AGBL4: variants seen among roughly 807,000 people sequenced by gnomAD.
The protein encoded by AGBL4 is cytosolic carboxypeptidase 6.
Under a neutral mutation model 66.4 loss-of-function variants are expected in AGBL4, and 58 were observed. That is an observed-to-expected ratio of 0.87 (90% CI 0.71 to 1.09). AGBL4 has a LOEUF of 1.09. AGBL4 is among the 50% of genes least tolerant of loss of function. The probability of loss-of-function intolerance (pLI) is 0.00; values close to 1 mark genes in which losing one functional copy is unlikely to be tolerated. For missense variants in AGBL4, 579 were observed against 631.0 expected (o/e 0.92, Z 0.88); for synonymous variants, 234 against 222.9 (o/e 1.05, Z -0.44).
At chr1:49,426,646 C>A (rs982687290) in intron 3 of AGBL4, among the ~76,000 whole-genome samples, 6 of 152,164 alleles carry the variant, frequency 3.9e-5, no homozygotes, top group African/African-American at 1.4e-4. Context: ...TGCCCCAGTG[C>A]AAAGTAATTT....
chr1:49,047,468 G>A (rs1644107805), intron 4 of AGBL4, among the ~76,000 whole-genome samples: 1 of 152,048 alleles, frequency 6.6e-6, no homozygotes, highest in Non-Finnish European at 1.5e-5. Context: ...ATAAATAACA[G>A]TCTTCTTATA....
chr1:48,796,619 G>A (rs1645680819), intron 6 of AGBL4, among the ~76,000 whole-genome samples: 1 of 152,272 alleles, frequency 6.6e-6, no homozygotes, highest in African/African-American at 2.4e-5. Flanking sequence ...AAGAATCCTT[G>A]AGTACCCACG....
intron 4 of AGBL4, among the ~76,000 whole-genome samples, chr1:49,101,347 C>T (rs942374434): frequency 6.6e-6 from 1 of 152,014 alleles, no homozygotes; most frequent in African/African-American, 2.4e-5. Context: ...GCAGCATCCC[C>T]AGCTAATTTT....
intron 8 of AGBL4, among the ~76,000 whole-genome samples, chr1:48,651,412 C>A (rs934128979): frequency 6.6e-5 from 10 of 152,190 alleles, no homozygotes; most frequent in African/African-American, 2.4e-4. Flanking sequence ...CCCGAGACAG[C>A]AGATGATGAC....
At chr1:49,671,449 A>C (rs1646474574) in intron 3 of AGBL4, among the ~76,000 whole-genome samples, 1 of 152,210 alleles carries the variant, frequency 6.6e-6, no homozygotes, top group African/African-American at 2.4e-5. Context: ...CAAAGACATC[A>C]AAAGCGATAA....
intron 2 of AGBL4, among the ~76,000 whole-genome samples, chr1:49,789,226 T>G (rs1644533922): frequency 6.6e-6 from 1 of 152,244 alleles, no homozygotes; most frequent in South Asian, 2.1e-4. Context: ...TTTAATGTGC[T>G]GCTGGATTCG....
intron 3 of AGBL4, among the ~76,000 whole-genome samples, chr1:49,326,373 C>G (rs1645228644): frequency 6.6e-6 from 1 of 152,078 alleles, no homozygotes; most frequent in African/African-American, 2.4e-5. Context: ...GGTCTTTTAT[C>G]CAGGGCTATG....
chr1:48,567,268 A>G (rs1644492391), intron 11 of AGBL4, among the ~76,000 whole-genome samples: 1 of 152,232 alleles, frequency 6.6e-6, no homozygotes, highest in Admixed American at 6.5e-5. Context: ...ATCAAGGTCC[A>G]TCACCTCCAG....
At chr1:49,722,519 A>G (rs1648685500) in intron 2 of AGBL4, among the ~76,000 whole-genome samples, 2 of 152,336 alleles carry the variant, frequency 1.3e-5, no homozygotes, top group South Asian at 4.1e-4. Flanking sequence ...CATTAAATGC[A>G]TGATGAATAA....
chr1:49,788,896 G>C (rs959733116), intron 2 of AGBL4, among the ~76,000 whole-genome samples: 2 of 152,198 alleles, frequency 1.3e-5, no homozygotes, highest in Admixed American at 6.5e-5. Context: ...AGAGTGGTGA[G>C]AGAGGGCATC....
At chr1:49,845,687 C>G (rs1646122720) in intron 2 of AGBL4, 1 of 1,601,930 alleles carries the variant, frequency 6.2e-7, no homozygotes, top group Admixed American at 1.7e-5. Context: ...TCTGGGAAAG[C>G]CTTCAGCCAG....
intron 2 of AGBL4, among the ~76,000 whole-genome samples, chr1:49,752,423 C>A (rs983648654): frequency 6.6e-6 from 1 of 152,158 alleles, no homozygotes; most frequent in African/African-American, 2.4e-5. Context: ...AATTTGATTG[C>A]ACTGTGGTCT....
intron 4 of AGBL4, among the ~76,000 whole-genome samples, chr1:49,125,559 A>G (rs1645748098): frequency 6.6e-6 from 1 of 152,168 alleles, no homozygotes; most frequent in African/African-American, 2.4e-5. Flanking sequence ...AACTAAGCAG[A>G]TGAGATATGT....
At chr1:49,721,528 G>T (rs1264237805) in intron 2 of AGBL4, among the ~76,000 whole-genome samples, 1 of 152,150 alleles carries the variant, frequency 6.6e-6, no homozygotes, top group African/African-American at 2.4e-5. Flanking sequence ...AGGACAAGTT[G>T]CTGGAGAGGT....
intron 3 of AGBL4, among the ~76,000 whole-genome samples, chr1:49,257,947 T>C (rs560272199): frequency 2.6e-5 from 4 of 152,128 alleles, no homozygotes; most frequent in Non-Finnish European, 5.9e-5. Context: ...CACGGCTGGG[T>C]ACTCCTCTGA....
chr1:48,647,208 G>A (rs1156508260), intron 8 of AGBL4, among the ~76,000 whole-genome samples: 17 of 152,140 alleles, frequency 1.1e-4, no homozygotes, highest in Admixed American at 7.9e-4. Flanking sequence ...GTGCTATAAC[G>A]CAGAATCATT....
chr1:48,700,289 T>C (rs564727175), intron 6 of AGBL4, among the ~76,000 whole-genome samples: 3 of 152,326 alleles, frequency 2.0e-5, no homozygotes, highest in African/African-American at 7.2e-5. Flanking sequence ...ATCCAGCACA[T>C]CCAGGCTCCC....
chr1:49,806,095 C>T (rs1050660853), intron 2 of AGBL4, among the ~76,000 whole-genome samples: 7 of 152,100 alleles, frequency 4.6e-5, no homozygotes, highest in African/African-American at 1.4e-4. Context: ...TAGAAAAAGC[C>T]TACATTCCTA....
At chr1:48,680,809 A>G (rs923040680) in intron 6 of AGBL4, among the ~76,000 whole-genome samples, 8 of 152,194 alleles carry the variant, frequency 5.3e-5, no homozygotes, top group African/African-American at 1.9e-4. Flanking sequence ...ACCAGCTAGG[A>G]AAGGAAACTG....
Sources: gnomAD v4.1 joint callset for allele counts (sites outside exome capture counted in the v4.1 genomes callset) on GRCh38, gnomAD v4.1.1 for gene constraint, MANE v1.5 for transcripts, NCBI Gene and HGNC (gene_info 2026-07-23, HGNC 2026-07-21) for gene names.